ACOT7: variants seen among roughly 807,000 people sequenced by gnomAD.
ACOT7 encodes the protein acyl-CoA thioesterase 7, also known as cytosolic acyl coenzyme A thioester hydrolase.
In ACOT7, 12 loss-of-function variants were observed where a neutral mutation model predicts 40.2. The observed-to-expected ratio is 0.30, with a 90% CI of 0.19 to 0.48. ACOT7 has a LOEUF of 0.48. ACOT7 is among the 20% of genes least tolerant of loss of function. ACOT7 has a pLI of 0.99. For synonymous variants in ACOT7, 228 were observed against 219.5 expected, an observed-to-expected ratio of 1.04 and a Z score of -0.34; for missense variants, 395 against 530.8, an observed-to-expected ratio of 0.74 and a Z score of 2.51.
chr1:6,339,699 T>A, intron 2 of ACOT7, 110 bp from the exon 3 acceptor site: 1 of 1,330,678 alleles, frequency 7.5e-7, no homozygotes, highest in Non-Finnish European at 1.0e-6. Flanking sequence ...CATTCCCCAC[T>A]GTGAAAGCAA....
In ACOT7 at chr1:6,279,732, G is replaced by A. The variant is rs556207239; in HGVS notation, c.1014+1370C>T. ...GAAGAGCTGGCCTGGAGTTGGCAGCGGAGGGTACTCGCTGGGCCTGACAGC... is the reference window on the plus strand; with the variant it reads ...GAAGAGCTGGCCTGGAGTTGGCAGCAGAGGGTACTCGCTGGGCCTGACAGC... On this transcript the variant is annotated intron_variant, in intron 8 of 8. Coordinates refer to ENST00000361521, the MANE Select transcript of ACOT7 (RefSeq NM_007274.4). Among the ~76,000 whole-genome samples the A allele has an allele frequency of 1.1e-4, 17 of 152,292 alleles. No homozygotes were observed. In the East Asian group the frequency reaches 3.1e-3, roughly 28 times the overall value.
chr1:6,315,451 C>T (rs1296582841), intron 6 of ACOT7, among the ~76,000 whole-genome samples: 4 of 152,134 alleles, frequency 2.6e-5, no homozygotes, highest in Non-Finnish European at 5.9e-5. Context: ...AGTTACCAGG[C>T]CCTATAAGAG....
intron 1 of ACOT7, 136 bp downstream of exon 1, chr1:6,393,121 G>A (rs912751075): frequency 3.0e-6 from 3 of 1,013,854 alleles, no homozygotes; most frequent in African/African-American, 3.4e-5. Context: ...CCGGGGCGGC[G>A]GCGCGGAAGG....
chr1:6,385,626 C>G (rs759587518), intron 1 of ACOT7: 2 of 1,612,388 alleles, frequency 1.2e-6, no homozygotes, highest in South Asian at 2.2e-5. Flanking sequence ...TGCCTGCCTC[C>G]CAAACTCACA....
chr1:6,319,892 C>G (rs767444103), intron 5 of ACOT7, among the ~76,000 whole-genome samples: 15 of 152,224 alleles, frequency 9.9e-5, no homozygotes, highest in Non-Finnish European at 2.2e-4. Context: ...GGCTGGTGAA[C>G]ATGGTCAGGC....
intron 6 of ACOT7, 47 bp from the exon 7 acceptor site, chr1:6,295,027 G>T: frequency 6.9e-7 from 1 of 1,448,644 alleles, no homozygotes; most frequent in Non-Finnish European, 9.7e-7. Flanking sequence ...AGGCAGAGGA[G>T]ATTATTTCAC....
At chr1:6,389,278 AAC>A (rs1014917914) in intron 1 of ACOT7, among the ~76,000 whole-genome samples, 13 of 150,452 alleles carry the variant, frequency 8.6e-5, no homozygotes, top group African/African-American at 2.9e-4. Flanking sequence ...AAGCAAAGAA[AAC>A]ACAAAAAAAC....
intron 6 of ACOT7, among the ~76,000 whole-genome samples, chr1:6,312,052 C>T (rs567307401): frequency 3.3e-5 from 5 of 152,086 alleles, no homozygotes; most frequent in African/African-American, 4.8e-5. Context: ...ACATACAGAC[C>T]GGATCTGACG....
intron 2 of ACOT7, among the ~76,000 whole-genome samples, chr1:6,340,170 G>A (rs959197909): frequency 6.6e-6 from 1 of 152,080 alleles, no homozygotes; most frequent in Non-Finnish European, 1.5e-5. Flanking sequence ...GTTTCTCCAT[G>A]TTAGCCAGAA....
At chr1:6,309,094 G>A (rs1326911292) in intron 6 of ACOT7, among the ~76,000 whole-genome samples, 1 of 152,192 alleles carries the variant, frequency 6.6e-6, no homozygotes, top group Non-Finnish European at 1.5e-5. Context: ...CTGTGACTTG[G>A]GGCTGGCAGA....
intron 8 of ACOT7, among the ~76,000 whole-genome samples, chr1:6,276,736 G>T (rs1639203380): frequency 6.6e-6 from 1 of 151,946 alleles, no homozygotes; most frequent in Admixed American, 6.6e-5. Flanking sequence ...AGTGAGAGCT[G>T]AAAATCCCTC....
In ACOT7 at chr1:6,393,515, G is replaced by A. The variant is rs2148487500; in HGVS notation, c.-116C>T. ...CGCCCCCGCGCCGGCCCCACCCCGA[G>A]CCCCGCCTCCCAGGCCGCCAAGGCT... On this transcript the variant is annotated 5_prime_UTR_variant, in exon 1 of 9. Coordinates refer to ENST00000361521, the MANE Select transcript of ACOT7 (RefSeq NM_007274.4). 1 of 971,150 alleles carries A rather than the reference G, an allele frequency of 1.0e-6. No individual in the cohort carries two copies. The allele number at this position is 971,150 out of a possible 1,614,324, so 60.2% of individuals were successfully genotyped here. A position where few individuals can be genotyped will look rare whatever the true frequency, so the allele number is the denominator to read the frequency against.
rs1442297250 is a variant in ACOT7, at chr1:6,306,071, CG to C, written c.713-11092del. ...AGGCGTGGCGGCGCGCGCCTGCAAT[CG>C]CAGGCACTCGGCAGGCTGAGGCAGG... is the stretch of plus-strand genomic sequence containing the variant. On this transcript the variant is annotated intron_variant, in intron 6 of 8. Coordinates refer to ENST00000361521, the MANE Select transcript of ACOT7 (RefSeq NM_007274.4). This position sits in a 1 kb window ranked among gnomAD's most constrained non-coding sequence, Gnocchi z 4.3. The C allele has an allele frequency of 8.1e-6, 2 of 246,436 alleles. No homozygotes were observed. The highest frequency in any genetic ancestry group is 4.7e-5 in the African/African-American group (2 of 42,358). 15.3% of individuals were successfully genotyped at this position (246,436 alleles called of 1,614,324 possible).
At chr1:6,271,475 G>A (rs913783790) in intron 8 of ACOT7, among the ~76,000 whole-genome samples, 4 of 152,160 alleles carry the variant, frequency 2.6e-5, no homozygotes, top group Admixed American at 6.5e-5. Flanking sequence ...CACTCAGCAC[G>A]GCCGGGCGAG....
At chr1:6,337,537 G>C (rs1244490583) in intron 3 of ACOT7, among the ~76,000 whole-genome samples, 1 of 152,214 alleles carries the variant, frequency 6.6e-6, no homozygotes, top group Non-Finnish European at 1.5e-5. Flanking sequence ...GGCCAGGAAA[G>C]GGAAGTTCAG....
intron 1 of ACOT7, among the ~76,000 whole-genome samples, chr1:6,363,505 T>C (rs1641935779): frequency 6.6e-6 from 1 of 152,192 alleles, no homozygotes; most frequent in African/African-American, 2.4e-5. Flanking sequence ...TCCACTTTCA[T>C]GTTCCATCCT....
intron 6 of ACOT7, among the ~76,000 whole-genome samples, chr1:6,310,174 G>A (rs1458761296): frequency 6.6e-6 from 1 of 152,252 alleles, no homozygotes; most frequent in Non-Finnish European, 1.5e-5. Flanking sequence ...TAGAAAATCT[G>A]TCAGTTGCCA....
intron 1 of ACOT7, among the ~76,000 whole-genome samples, chr1:6,361,565 G>A (rs956951356): frequency 6.6e-6 from 1 of 152,042 alleles, no homozygotes; most frequent in Non-Finnish European, 1.5e-5. Flanking sequence ...TTGGGAGGCC[G>A]AGGCAGGCGG....
At chr1:6,341,968 G>T (rs55908856) in intron 2 of ACOT7, among the ~76,000 whole-genome samples, 4,946 of 152,282 alleles carry the variant, frequency 0.032, 120 homozygotes, top group South Asian at 0.048. Flanking sequence ...GACAGGTGGT[G>T]CTGCACCCTG....
Sources: allele counts gnomAD v4.1 joint callset (sites outside exome capture counted in the v4.1 genomes callset), GRCh38; gene constraint gnomAD v4.1.1; non-coding constraint Gnocchi (gnomAD v3.1); transcripts MANE v1.5; gene names NCBI Gene and HGNC (gene_info 2026-07-23, HGNC 2026-07-21).